COLEC12: variants seen among roughly 807,000 people sequenced by gnomAD.
COLEC12 encodes collectin-12.
In COLEC12, 33 loss-of-function variants were observed where a neutral mutation model predicts 71.1. The observed-to-expected ratio is 0.46, with a 90% CI of 0.35 to 0.62. The LOEUF (loss-of-function observed/expected upper bound fraction) is 0.62. Among genes scored for constraint, COLEC12 ranks in the 20% least tolerant of loss-of-function variants. The pLI is 0.00. For missense variants in COLEC12, 765 were observed against 916.1 expected (o/e 0.84, Z 2.13); for synonymous variants, 350 against 353.0 (o/e 0.99, Z 0.10).
chr18:355,760 A>G (rs964475514), intron 3 of COLEC12, among the ~76,000 whole-genome samples: 7 of 152,204 alleles, frequency 4.6e-5, no homozygotes, highest in African/African-American at 9.6e-5. Flanking sequence ...GTAATGACCT[A>G]AATAATCTAA....
At chr18:413,670 A>T (rs951764151) in intron 2 of COLEC12, among the ~76,000 whole-genome samples, 11 of 152,228 alleles carry the variant, frequency 7.2e-5, no homozygotes, top group Non-Finnish European at 1.6e-4. Flanking sequence ...TAAAAAATTT[A>T]AAAAAGCATC....
chr18:444,351 G>A (rs146786476), intron 2 of COLEC12, among the ~76,000 whole-genome samples: 2 of 152,084 alleles, frequency 1.3e-5, no homozygotes, highest in African/African-American at 4.8e-5. Context: ...GGAGATCACT[G>A]GGATAGAGTC....
intron 9 of COLEC12, among the ~76,000 whole-genome samples, chr18:321,150 G>A (rs1913695092): frequency 6.6e-6 from 1 of 152,176 alleles, no homozygotes; most frequent in Non-Finnish European, 1.5e-5. Context: ...TGCCTCCTGG[G>A]TTCAAGCTAT....
At chr18:486,374 G>A (rs536057337) in intron 1 of COLEC12, among the ~76,000 whole-genome samples, 20 of 152,244 alleles carry the variant, frequency 1.3e-4, no homozygotes, top group African/African-American at 4.8e-4. Flanking sequence ...TAGTAGAGAT[G>A]GAGTTTTGCC....
chr18:490,321 A>G (rs1161369626), intron 1 of COLEC12, among the ~76,000 whole-genome samples: 1 of 152,258 alleles, frequency 6.6e-6, no homozygotes, highest in African/African-American at 2.4e-5. Context: ...TGAATTGCAG[A>G]ATTGTGAGCA....
At chr18:348,271 G>A (rs1021130560) in intron 3 of COLEC12, 108 bp from the exon 4 acceptor site, 51 of 655,674 alleles carry the variant, frequency 7.8e-5, no homozygotes, top group South Asian at 1.9e-4. Flanking sequence ...CAGATTGAAC[G>A]AAAACAGTGT....
intron 2 of COLEC12, among the ~76,000 whole-genome samples, chr18:374,544 G>A (rs1175946644): frequency 6.6e-6 from 1 of 152,178 alleles, no homozygotes; most frequent in Non-Finnish European, 1.5e-5. Context: ...CCACCTGTAG[G>A]CCTGAGGCTC....
rs531873278 is a variant in COLEC12, at chr18:379,989, T to C, written c.59-22467A>G. ...CAAAGCTGAGGTAAGAGCTTTATTTTTTTTTTCCAATGATGAAGAAAGAAT... is the reference window on the plus strand; with the variant it reads ...CAAAGCTGAGGTAAGAGCTTTATTTCTTTTTTCCAATGATGAAGAAAGAAT... On this transcript the variant is annotated intron_variant, in intron 2 of 9. Coordinates refer to ENST00000400256, the MANE Select transcript of COLEC12 (RefSeq NM_130386.3). Among the ~76,000 whole-genome samples, 12 of 152,302 alleles carry C rather than the reference T, an allele frequency of 7.9e-5. No homozygotes were observed. The South Asian group carries it at 2.5e-3, about 32-fold the overall frequency.
chr18:465,577 G>C (rs1427381052), intron 2 of COLEC12, among the ~76,000 whole-genome samples: 1 of 152,068 alleles, frequency 6.6e-6, no homozygotes, highest in Non-Finnish European at 1.5e-5. Context: ...GATTTTACAG[G>C]AAGAAAGTAA....
intron 2 of COLEC12, among the ~76,000 whole-genome samples, chr18:386,098 T>A (rs1915339407): frequency 1.0e-5 from 1 of 98,936 alleles, no homozygotes; most frequent in South Asian, 2.4e-4. Flanking sequence ...GTACCTTTTG[T>A]GGGTGGGGGA....
At chr18:368,815 G>A (rs189201103) in intron 2 of COLEC12, among the ~76,000 whole-genome samples, 203 of 152,306 alleles carry the variant, frequency 1.3e-3, no homozygotes, top group Middle Eastern at 3.4e-3. Context: ...GCAGTGAGCC[G>A]AGATCACGTC....
chr18:384,772 T>C (rs1262037773), intron 2 of COLEC12, among the ~76,000 whole-genome samples: 2 of 152,200 alleles, frequency 1.3e-5, no homozygotes, highest in Non-Finnish European at 2.9e-5. Context: ...TGGTTTGTCA[T>C]GGACTAATTA....
At chr18:375,838 A>G (rs1285212608) in intron 2 of COLEC12, among the ~76,000 whole-genome samples, 1 of 152,242 alleles carries the variant, frequency 6.6e-6, no homozygotes, top group Non-Finnish European at 1.5e-5. Context: ...TGCCTCATAA[A>G]GTCGTTGAGG....
intron 2 of COLEC12, among the ~76,000 whole-genome samples, chr18:429,426 G>C (rs1439031492): frequency 6.6e-6 from 1 of 151,108 alleles, no homozygotes; most frequent in African/African-American, 2.4e-5. Context: ...TTGTTGCCCA[G>C]GCTGGAGTGC....
chr18:451,337 C>T (rs72865615), intron 2 of COLEC12, among the ~76,000 whole-genome samples: 2,873 of 151,982 alleles, frequency 0.019, 59 homozygotes, highest in Non-Finnish European at 0.023. Context: ...AAAAGGGAAG[C>T]GGAGCCCAAA....
At chr18:455,277 GCT>G (rs1916842836) in intron 2 of COLEC12, among the ~76,000 whole-genome samples, 1 of 141,780 alleles carries the variant, frequency 7.1e-6, no homozygotes, top group Non-Finnish European at 1.5e-5. Context: ...TTTATTTTAC[GCT>G]TTTTTTTTTT....
chr18:371,085 C>A (rs1380177223), intron 2 of COLEC12, among the ~76,000 whole-genome samples: 1 of 152,202 alleles, frequency 6.6e-6, no homozygotes, highest in Non-Finnish European at 1.5e-5. Flanking sequence ...CAAAGCTGGT[C>A]AAGACAGCCA....
intron 3 of COLEC12, among the ~76,000 whole-genome samples, chr18:355,091 C>G (rs1002618600): frequency 6.6e-6 from 1 of 152,012 alleles, no homozygotes; most frequent in Non-Finnish European, 1.5e-5. Flanking sequence ...ATCCATCCAT[C>G]CTCCCATTAA....
At chr18:398,668 T>C (rs1006562879) in intron 2 of COLEC12, among the ~76,000 whole-genome samples, 1 of 152,216 alleles carries the variant, frequency 6.6e-6, no homozygotes, top group Non-Finnish European at 1.5e-5. Flanking sequence ...GCAGAAGAAT[T>C]AGAAGAGTCT....
Sources: gnomAD v4.1 joint callset for allele counts (sites outside exome capture counted in the v4.1 genomes callset) on GRCh38, gnomAD v4.1.1 for gene constraint, MANE v1.5 for transcripts, NCBI Gene and HGNC (gene_info 2026-07-23, HGNC 2026-07-21) for gene names.